The following SLC38A3 variants were observed in gnomAD, a reference collection of about 807,000 sequenced individuals.
The protein encoded by SLC38A3 is solute carrier family 38 member 3.
Under a neutral mutation model 59.5 loss-of-function variants are expected in SLC38A3, and 17 were observed. The observed-to-expected ratio is 0.29, with a 90% confidence interval of 0.20 to 0.43. SLC38A3 has a LOEUF of 0.43. Among genes scored for constraint, SLC38A3 ranks in the 20% least tolerant of loss-of-function variants. The pLI, the probability that SLC38A3 is intolerant of heterozygous loss-of-function variation, is 1.00. For missense variants in SLC38A3, 454 were observed against 653.9 expected, an observed-to-expected ratio of 0.69 and a Z score of 3.33; for synonymous variants, 238 against 260.3, an observed-to-expected ratio of 0.91 and a Z score of 0.82.
At chr3:50,208,294 G>A (rs968002570) in intron 1 of SLC38A3, among the ~76,000 whole-genome samples, 8 of 143,166 alleles carry the variant, frequency 5.6e-5, no homozygotes, top group African/African-American at 1.6e-4. Flanking sequence ...ATAGGGTCTC[G>A]CTGTGTTACC....
chr3:50,208,175 G>T (rs149152636), intron 1 of SLC38A3, among the ~76,000 whole-genome samples: 1 of 152,112 alleles, frequency 6.6e-6, no homozygotes, highest in Admixed American at 6.5e-5. Flanking sequence ...AGTGCCCATT[G>T]GGCCTACTGC....
chr3:50,215,045 CT>C lies in SLC38A3; in HGVS notation c.299+279del. 1 of 574,098 alleles carries C rather than the reference CT, an allele frequency of 1.7e-6. No homozygotes were observed. Among genetic ancestry groups the C allele is most frequent in the South Asian group, 2.1e-5 (1 of 48,294 alleles). 35.6% of individuals were successfully genotyped at this position (574,098 alleles called of 1,614,324 possible). ...TGATGGCCAAGCCCCACGGCCAGGCCTTGTGTGGGCACACGTGTCCTTTGGC... is the reference window on the plus strand; with the variant it reads ...TGATGGCCAAGCCCCACGGCCAGGCCTGTGTGGGCACACGTGTCCTTTGGC... On this transcript the variant is annotated intron_variant, in intron 4 of 15. Transcript: ENST00000614032. This position sits in a 1 kb window ranked among gnomAD's most constrained non-coding sequence, Gnocchi z 7.1.
rs201567897 is a variant in SLC38A3, at chr3:50,214,796, G to C, written c.299+28G>C. The C allele has an allele frequency of 6.9e-7, 1 of 1,452,774 alleles. No individual in the cohort carries two copies. The highest frequency in any genetic ancestry group is 9.5e-7 in the Non-Finnish European group (1 of 1,049,274). 90.0% of individuals were successfully genotyped at this position (1,452,774 alleles called of 1,614,324 possible). Reference sequence around the variant, plus strand: ...GAGTGCCCTCAGAGAAACTTCTAAAGATAGGGGCCCTAAGCAAGCCACCAA... The same window carrying C: ...GAGTGCCCTCAGAGAAACTTCTAAACATAGGGGCCCTAAGCAAGCCACCAA... On this transcript the variant is annotated intron_variant, in intron 4 of 15. Transcript: ENST00000614032. The surrounding 1 kb of genome is among the most constrained non-coding windows in gnomAD (Gnocchi z 6.0).
chr3:50,212,511 G>A (rs991027213), intron 1 of SLC38A3, among the ~76,000 whole-genome samples: 2 of 152,202 alleles, frequency 1.3e-5, no homozygotes, highest in Admixed American at 1.3e-4. Flanking sequence ...CATTGTTATA[G>A]TCCCGAGTAG....
intron 1 of SLC38A3, among the ~76,000 whole-genome samples, chr3:50,212,983 C>T (rs774325170): frequency 3.7e-4 from 56 of 152,184 alleles, no homozygotes; most frequent in Non-Finnish European, 6.8e-4. Flanking sequence ...TCCTCCTGGC[C>T]AGGCTGGCCT....
Position 50,218,164 on chromosome 3 carries a change from G to A in SLC38A3, c.936-106G>A, listed in dbSNP as rs1443877578. 12 of 1,058,450 alleles carry A rather than the reference G, an allele frequency of 1.1e-5. No homozygotes were observed. In the African/African-American group the frequency reaches 1.7e-4, roughly 15 times the overall value. 65.6% of individuals were successfully genotyped at this position (1,058,450 alleles called of 1,614,324 possible). The stretch of plus-strand genomic sequence containing the variant: ...TATGAGCAAGAAGGAGACTCCCTCA[G>A]ATGCTGAATGGTGAAAGTATGGTGC... On this transcript the variant is annotated intron_variant, in intron 11 of 15. Coordinates refer to ENST00000614032, the MANE Select transcript of SLC38A3 (RefSeq NM_006841.6). The surrounding 1 kb of genome is among the most constrained non-coding windows in gnomAD (Gnocchi z 5.8).
In SLC38A3 at chr3:50,218,610, C is replaced by T. The variant is rs375291430; in HGVS notation, c.1054C>T (p.Leu352=). 2.7e-5 allele frequency: 43 copies of T among 1,613,178 alleles called. No individual in the cohort carries two copies. The Admixed American group carries it at 7.0e-4, about 26-fold the overall frequency. The change falls in exon 13 of 16, where the codon CTG becomes TTG. Residue 352 remains leucine (L), a synonymous_variant. Coordinates refer to ENST00000614032, the MANE Select transcript of SLC38A3 (RefSeq NM_006841.6). The surrounding 1 kb of genome is among the most constrained non-coding windows in gnomAD (Gnocchi z 5.8). ...LTFYNGVESE[L]LHTYSKVDPF... ...TGCCACAGACGGGGTGGAGTCGGAG[C>T]TGCTGCACACCTACAGCAAGGTGGA...
chr3:50,219,870 G>C lies in SLC38A3; in HGVS notation c.1307-11G>C. 1 of 1,606,512 alleles carries C rather than the reference G, an allele frequency of 6.2e-7. No individual in the cohort carries two copies. Among genetic ancestry groups the C allele is most frequent in the South Asian group, 1.1e-5 (1 of 89,476 alleles). On this transcript the variant is annotated splice_polypyrimidine_tract_variant and intron_variant, in intron 14 of 15. Coordinates refer to ENST00000614032, the MANE Select transcript of SLC38A3 (RefSeq NM_006841.6). ...TATGAGCCAGCAGTGGCCATGTCTT[G>C]TTCTTTGCAGGTGCCACATCTGCCC...
Position 50,219,888 on chromosome 3 carries a change from A to G in SLC38A3, c.1314A>G (p.Thr438=), listed in dbSNP as rs371564721. 1.1e-5 allele frequency: 17 copies of G among 1,612,256 alleles called. No individual in the cohort carries two copies. The highest frequency in any genetic ancestry group is 1.4e-5 in the Non-Finnish European group (17 of 1,179,194). ...ATGTCTTGTTCTTTGCAGGTGCCAC[A>G]TCTGCCCCATTCCTCATCTTCATCT... The part of the protein sequence containing the change: ...ILGIFGVIGA[T]SAPFLIFIFP... Residue 438 remains threonine (T), a synonymous_variant, in exon 15 of 16, where the codon ACA becomes ACG. Coordinates refer to ENST00000614032, the MANE Select transcript of SLC38A3 (RefSeq NM_006841.6).
In SLC38A3 at chr3:50,217,458, G is replaced by C. The variant is rs750717419; in HGVS notation, c.675G>C (p.Val225=). 61 of 1,613,216 alleles carry C rather than the reference G, an allele frequency of 3.8e-5. 1 individual carries two copies. The highest frequency in any genetic ancestry group is 1.3e-4 in the South Asian group (12 of 90,932). Residue 225 remains valine (V), a synonymous_variant, in exon 9 of 16, where the codon GTG becomes GTC. Transcript: ENST00000614032. This position sits in a 1 kb window ranked among gnomAD's most constrained non-coding sequence, Gnocchi z 4.9. The part of the protein sequence containing the change: ...YSSGFSLSCM[V]FFLIAVIYKK... ...GCGGCTTCTCTCTTAGCTGCATGGT[G>C]TTCTTCCTAATTGCAGTGAGTCACC...
Position 50,211,511 on chromosome 3 carries a change from G to A in SLC38A3, c.-51-2638G>A, listed in dbSNP as rs567598640. Among the ~76,000 whole-genome samples the A allele has an allele frequency of 5.0e-5, 4 of 80,286 alleles. No homozygotes were observed. The South Asian group carries it at 1.8e-3, about 37-fold the overall frequency. 52.7% of individuals were successfully genotyped at this position (80,286 alleles called of 152,430 possible). Reference sequence around the variant, plus strand: ...TGTTTGACACCCCAGGGTGCCTACTGGAATTTTAGTACTGGCTTCGCACCT... The same window carrying A: ...TGTTTGACACCCCAGGGTGCCTACTAGAATTTTAGTACTGGCTTCGCACCT... On this transcript the variant is annotated intron_variant, in intron 1 of 15. Transcript: ENST00000614032.
chr3:50,215,313 G>A lies in SLC38A3; in HGVS notation c.300-73G>A. On this transcript the variant is annotated intron_variant, in intron 4 of 15. Coordinates refer to ENST00000614032, the MANE Select transcript of SLC38A3 (RefSeq NM_006841.6). The surrounding 1 kb of genome is among the most constrained non-coding windows in gnomAD (Gnocchi z 7.1). ...ACCCTCCACCCCCAGGCCTCCCAGA[G>A]CCCCTCACCCTCTGCCAGCCACGGT... 1.4e-6 allele frequency: 2 copies of A among 1,389,120 alleles called. No homozygotes were observed. Among genetic ancestry groups the A allele is most frequent in the Non-Finnish European group, 2.0e-6 (2 of 977,406 alleles). The allele number at this position is 1,389,120 out of a possible 1,614,324, so 86.0% of individuals were successfully genotyped here. A position where few individuals can be genotyped will look rare whatever the true frequency, so the allele number is the denominator to read the frequency against.
At chr3:50,211,204 G>A (rs1374971839) in intron 1 of SLC38A3, among the ~76,000 whole-genome samples, 1 of 152,226 alleles carries the variant, frequency 6.6e-6, no homozygotes, top group Non-Finnish European at 1.5e-5. Context: ...AGGAGCCTGG[G>A]AGGCCACAGG....
In SLC38A3 at chr3:50,217,973, G is replaced by C; in HGVS notation, c.912G>C (p.Leu304=). 1 of 1,614,020 alleles carries C rather than the reference G, an allele frequency of 6.2e-7. No individual in the cohort carries two copies. Among genetic ancestry groups the C allele is most frequent in the Non-Finnish European group, 8.5e-7 (1 of 1,179,902 alleles). The change falls in exon 11 of 16, where the codon CTG becomes CTC. Residue 304 remains leucine (L), a synonymous_variant. Transcript: ENST00000614032. The surrounding 1 kb of genome is among the most constrained non-coding windows in gnomAD (Gnocchi z 4.9). ...CCTTCGTCTGCCACCCCGAGGTGCT[G>C]CCCATCTATACTGAGCTCAAGGAGT... ...AFAFVCHPEV[L]PIYTELKDPS... is the part of the protein sequence containing the mutation.
intron 1 of SLC38A3, among the ~76,000 whole-genome samples, chr3:50,208,272 T>G (rs1257577041): frequency 1.3e-5 from 2 of 150,868 alleles, no homozygotes; most frequent in Non-Finnish European, 3.0e-5. Context: ...TTTTTTTTTT[T>G]TTTTTTTTGA....
intron 14 of SLC38A3, among the ~76,000 whole-genome samples, chr3:50,219,495 C>T (rs1467991941): frequency 2.0e-5 from 3 of 152,224 alleles, no homozygotes; most frequent in Non-Finnish European, 2.9e-5. Context: ...CAGCACTCTT[C>T]GTTCTCTATG....
chr3:50,208,200 C>T (rs1699670627), intron 1 of SLC38A3, among the ~76,000 whole-genome samples: 2 of 152,200 alleles, frequency 1.3e-5, no homozygotes, highest in South Asian at 4.1e-4. Flanking sequence ...TCAGCTGGGC[C>T]CCCTGGCTCC....
chr3:50,218,687 C>T lies in SLC38A3; in HGVS notation c.1131C>T (p.Val377=), dbSNP rs772779550. 49 of 1,612,800 alleles carry T rather than the reference C, an allele frequency of 3.0e-5. No individual in the cohort carries two copies. The highest frequency in any genetic ancestry group is 3.6e-5 in the Non-Finnish European group (43 of 1,179,022). Residue 377 remains valine (V), a synonymous_variant, in exon 13 of 16, where the codon GTC becomes GTT. Transcript: ENST00000614032. The surrounding 1 kb of genome is among the most constrained non-coding windows in gnomAD (Gnocchi z 5.8). ...TGCGCGTGGCCGTGCTGACAGCAGT[C>T]ACGCTCACAGTGCCCATCGTTCTGT... ...LCVRVAVLTA[V]TLTVPIVLFP...
chr3:50,215,715 T>TA lies in SLC38A3; in HGVS notation c.467-25_467-24insA. 1 of 1,604,172 alleles carries TA rather than the reference T, an allele frequency of 6.2e-7. No individual in the cohort carries two copies. The highest frequency in any genetic ancestry group is 8.5e-7 in the Non-Finnish European group (1 of 1,175,604). On this transcript the variant is annotated intron_variant, in intron 6 of 15. Transcript: ENST00000614032. This position sits in a 1 kb window ranked among gnomAD's most constrained non-coding sequence, Gnocchi z 7.1. The stretch of plus-strand genomic sequence containing the variant: ...GGCTGGTTGGGCTGACCTCAGCGCC[T>TA]GCCTGCCCGCCCCTCTCCCCACAGC...
Sources: gnomAD v4.1 joint callset for allele counts (sites outside exome capture counted in the v4.1 genomes callset) on GRCh38, gnomAD v4.1.1 for gene constraint, Gnocchi (gnomAD v3.1) non-coding constraint, MANE v1.5 for transcripts, NCBI Gene and HGNC (gene_info 2026-07-23, HGNC 2026-07-21) for gene names.